Variants in UGT1A1 observed in about 807,000 individuals in gnomAD.
UGT1A1 encodes the protein UDP glucuronosyltransferase family 1 member A1, also known as UDP-glucuronosyltransferase 1A1.
UGT1A1 carries 33 observed loss-of-function variants against 40.6 expected under a neutral mutation model. The observed-to-expected ratio is 0.81, with a 90% CI of 0.62 to 1.09. UGT1A1 has a LOEUF of 1.09. UGT1A1 is among the 50% of genes least tolerant of loss of function. UGT1A1 has a pLI of 0.00. For missense variants in UGT1A1, 694 were observed against 671.2 expected (o/e 1.03, Z -0.38); for synonymous variants, 249 against 265.0 (o/e 0.94, Z 0.59).
At chr2:233,770,089 T>C (rs2126050834) in intron 4 of UGT1A1, 1 of 153,022 alleles carries the variant, frequency 6.5e-6, no homozygotes, top group South Asian at 2.1e-4. Context: ...TTCAGTGGTA[T>C]AGATAACTAC....
intron 1 of UGT1A1, among the ~76,000 whole-genome samples, chr2:233,763,416 A>T (rs1484402572): frequency 6.6e-6 from 1 of 152,224 alleles, no homozygotes; most frequent in Non-Finnish European, 1.5e-5. Flanking sequence ...TTTTTAATCC[A>T]GTCAGGCAGT....
rs745957787 is a variant in UGT1A1, at chr2:233,760,305, G to C, written c.18G>C (p.Gln6His). 19 of 1,613,584 alleles carry C rather than the reference G, an allele frequency of 1.2e-5. No individual in the cohort carries two copies. The highest frequency in any genetic ancestry group is 1.6e-5 in the Non-Finnish European group (19 of 1,179,982). MAVES[Q>H]GGRPLVLGLL... is the part of the protein sequence containing the mutation. ...AAGGCGCCATGGCTGTGGAGTCCCA[G>C]GGCGGACGCCCACTTGTCCTGGGCC... Residue 6 changes from glutamine (Q) to histidine (H), a missense_variant, in exon 1 of 5, where the codon CAG becomes CAC. Physicochemically the swap from Gln to His is conservative, Grantham distance 24 (BLOSUM62 0). Transcript: ENST00000305208.
Position 233,769,884 on chromosome 2 carries a change from C to T in UGT1A1, c.1304+1445C>T, listed in dbSNP as rs1466829536. On this transcript the variant is annotated intron_variant, in intron 4 of 4. Transcript: ENST00000305208. The surrounding 1 kb of genome is among the most constrained non-coding windows in gnomAD (Gnocchi z 4.4). The stretch of plus-strand genomic sequence containing the variant: ...AAAAAAAAAAAAAAAATGAAAAGTC[C>T]ACATAACCTGAGCATCATGTGCCCA... 5.0e-6 allele frequency: 2 copies of T among 403,872 alleles called. No individual in the cohort carries two copies. Among genetic ancestry groups the T allele is most frequent in the Non-Finnish European group, 8.7e-6 (2 of 230,852 alleles). 25.0% of individuals were successfully genotyped at this position (403,872 alleles called of 1,614,324 possible).
chr2:233,771,791 C>T (rs868802241), intron 4 of UGT1A1, among the ~76,000 whole-genome samples: 2 of 146,520 alleles, frequency 1.4e-5, no homozygotes, highest in Middle Eastern at 6.9e-3. Flanking sequence ...TCTCTCCCTC[C>T]CTCCCTCCCT....
In UGT1A1 at chr2:233,760,429, C is replaced by G. The variant is rs747942373; in HGVS notation, c.142C>G (p.Gln48Glu). 87 of 1,614,090 alleles carry G rather than the reference C, an allele frequency of 5.4e-5. No homozygotes were observed. The highest frequency in any genetic ancestry group is 6.6e-5 in the Non-Finnish European group (78 of 1,180,040). The change falls in exon 1 of 5, where the codon CAG (glutamine) becomes GAG (glutamate). Residue 48 changes from glutamine (Q) to glutamate (E), a missense_variant. By Grantham distance (29) the Gln-to-Glu change is conservative. Coordinates refer to ENST00000305208, the MANE Select transcript of UGT1A1 (RefSeq NM_000463.3). ...SHWLSMLGAI[Q>E]QLQQRGHEIV... is the part of the protein sequence containing the mutation. The stretch of plus-strand genomic sequence containing the variant: ...CTGGCTGAGCATGCTTGGGGCCATC[C>G]AGCAGCTGCAGCAGAGGGGACATGA...
In UGT1A1 at chr2:233,772,302, G is replaced by A. The variant is rs1458644938; in HGVS notation, c.1345G>A (p.Asp449Asn). Residue 449 changes from aspartate to asparagine, a missense_variant, in exon 5 of 5, where the codon GAC becomes AAC. Physicochemically the swap from Asp to Asn is conservative, Grantham distance 23. Coordinates refer to ENST00000305208, the MANE Select transcript of UGT1A1 (RefSeq NM_000463.3). ...CATGCGCCTCTCCAGCCTTCACAAG[G>A]ACCGCCCGGTGGAGCCGCTGGACCT... ...NIMRLSSLHK[D>N]RPVEPLDLAV... 1 of 1,614,232 alleles carries A rather than the reference G, an allele frequency of 6.2e-7. No individual in the cohort carries two copies.
At position 233,769,393 on chromosome 2, in the gene UGT1A1, G is replaced by A. The variant is rs767407915; in HGVS notation, c.1304+954G>A. ...GATTTCATCCGACAATAGATACTGT[G>A]TGCATATGTGCGTGTGCGTTTGTGC... is the stretch of plus-strand genomic sequence containing the variant. On this transcript the variant is annotated intron_variant, in intron 4 of 4. Transcript: ENST00000305208. This position sits in a 1 kb window ranked among gnomAD's most constrained non-coding sequence, Gnocchi z 4.4. 2.7e-5 allele frequency: 30 copies of A among 1,098,632 alleles called. No homozygotes were observed. Among genetic ancestry groups the A allele is most frequent in the Non-Finnish European group, 3.5e-5 (26 of 750,310 alleles). 68.1% of individuals were successfully genotyped at this position (1,098,632 alleles called of 1,614,324 possible).
intron 1 of UGT1A1, among the ~76,000 whole-genome samples, chr2:233,762,481 T>G (rs948381917): frequency 6.6e-6 from 1 of 152,238 alleles, no homozygotes. Flanking sequence ...ATCACTCCAG[T>G]TTTAAATGCT....
Position 233,772,257 on chromosome 2 carries a change from T to C in UGT1A1, c.1305-5T>C. ...CAGGCATAACGAAACTGTCTTTGTGTTTAGTTACAAGGAGAACATCATGCG... is the reference window on the plus strand; with the variant it reads ...CAGGCATAACGAAACTGTCTTTGTGCTTAGTTACAAGGAGAACATCATGCG... On this transcript the variant is annotated splice_polypyrimidine_tract_variant and splice_region_variant and intron_variant, in intron 4 of 4. Transcript: ENST00000305208. 2 of 1,614,220 alleles carry C rather than the reference T, an allele frequency of 1.2e-6. No individual in the cohort carries two copies. Among genetic ancestry groups the C allele is most frequent in the Non-Finnish European group, 1.7e-6 (2 of 1,180,042 alleles).
chr2:233,769,634 G>A lies in UGT1A1; in HGVS notation c.1304+1195G>A. 2 of 1,610,964 alleles carry A rather than the reference G, an allele frequency of 1.2e-6. No individual in the cohort carries two copies. The highest frequency in any genetic ancestry group is 1.1e-5 in the South Asian group (1 of 90,734). On this transcript the variant is annotated intron_variant, in intron 4 of 4. Transcript: ENST00000305208. The surrounding 1 kb of genome is among the most constrained non-coding windows in gnomAD (Gnocchi z 4.4). ...CCAGCTTGAGCAAGGGACAACAGGG[G>A]AGGACTGATGACTGACTTCCCACCT...
At chr2:233,768,984 TC>T (rs551747473) in intron 4 of UGT1A1, among the ~76,000 whole-genome samples, 141 of 152,252 alleles carry the variant, frequency 9.3e-4, no homozygotes, top group African/African-American at 3.3e-3. Context: ...GAATTTTATT[TC>T]CCCCATTAGA....
chr2:233,763,296 GAT>G (rs1373689978), intron 1 of UGT1A1, among the ~76,000 whole-genome samples: 1 of 152,054 alleles, frequency 6.6e-6, no homozygotes, highest in African/African-American at 2.4e-5. Flanking sequence ...CCACTTTTTG[GAT>G]ATTAATATTA....
Position 233,760,524 on chromosome 2 carries a change from C to A in UGT1A1, c.237C>A (p.Tyr79Ter). ...RDGAFYTLKTYPVPFQREDVK... is the reference protein window; with the variant it reads ...RDGAFYTLKT ...GAGCATTTTACACCTTGAAGACGTA[C>A]CCTGTGCCATTCCAAAGGGAGGATG... Residue 79 changes from tyrosine to a stop codon, truncating the protein, a stop_gained, in exon 1 of 5, where the codon TAC becomes TAA. Coordinates refer to ENST00000305208, the MANE Select transcript of UGT1A1 (RefSeq NM_000463.3). LOFTEE classifies it high-confidence loss of function. The A allele has an allele frequency of 6.2e-7, 1 of 1,614,240 alleles. No homozygotes were observed. The highest frequency in any genetic ancestry group is 8.5e-7 in the Non-Finnish European group (1 of 1,180,052).
chr2:233,769,864 A>C lies in UGT1A1; in HGVS notation c.1304+1425A>C, dbSNP rs2126048970. On this transcript the variant is annotated intron_variant, in intron 4 of 4. Transcript: ENST00000305208. The surrounding 1 kb of genome is among the most constrained non-coding windows in gnomAD (Gnocchi z 4.4). ...CAGAGTGAGACCCTGTCTCAAAAAA[A>C]AAAAAAAAAATGAAAAGTCCACATA... 6.3e-6 allele frequency: 3 copies of C among 472,760 alleles called. No homozygotes were observed. The highest frequency in any genetic ancestry group is 3.9e-5 in the South Asian group (1 of 25,612). The allele number at this position is 472,760 out of a possible 1,614,324, so 29.3% of individuals were successfully genotyped here. A position where few individuals can be genotyped will look rare whatever the true frequency, so the allele number is the denominator to read the frequency against.
chr2:233,772,579 G>A lies in UGT1A1; in HGVS notation c.*20G>A. ...CATTGAGAAGTGGGTGGGAAATAAG[G>A]TAAAATTTTGAACCATTCCCTAGTC... On this transcript the variant is annotated 3_prime_UTR_variant, in exon 5 of 5. Transcript: ENST00000305208. The A allele has an allele frequency of 6.2e-7, 1 of 1,608,678 alleles. No homozygotes were observed. Among genetic ancestry groups the A allele is most frequent in the Non-Finnish European group, 8.5e-7 (1 of 1,177,120 alleles).
chr2:233,770,939 G>A (rs923528747), intron 4 of UGT1A1: 1 of 152,144 alleles, frequency 6.6e-6, no homozygotes, highest in African/African-American at 2.4e-5. Context: ...TTGGCTGCCG[G>A]GGGAACCTCA....
rs12471326 is a variant in UGT1A1 at position 233,767,812 on chromosome 2, T to C, written c.997-37T>C. ...AGATTTGTTTTCTAATCATATTATGTTCTTTCTTTACGTTCTGCTCTTTTT... is the reference window on the plus strand; with the variant it reads ...AGATTTGTTTTCTAATCATATTATGCTCTTTCTTTACGTTCTGCTCTTTTT... On this transcript the variant is annotated intron_variant, in intron 2 of 4. Transcript: ENST00000305208. The C allele has an allele frequency of 0.03, 48,630 of 1,614,140 alleles. 974 individuals are homozygous for C. The highest frequency in any genetic ancestry group is 0.09 in the Admixed American group (5,377 of 60,016).
Position 233,772,946 on chromosome 2 carries a change from G to A in UGT1A1, c.*387G>A. On this transcript the variant is annotated 3_prime_UTR_variant, in exon 5 of 5. Transcript: ENST00000305208. ...GTTTTAATCTTATCTTTTGGCTTCT[G>A]CAGATGGTTGCAATTGATCCTTAAC... The A allele has an allele frequency of 3.1e-6, 1 of 325,346 alleles. No homozygotes were observed. Among genetic ancestry groups the A allele is most frequent in the Non-Finnish European group, 5.8e-6 (1 of 173,426 alleles). The allele number at this position is 325,346 out of a possible 1,614,324, so 20.2% of individuals were successfully genotyped here.
Position 233,767,871 on chromosome 2 carries a change from C to G in UGT1A1, c.1019C>G (p.Thr340Ser). The stretch of plus-strand genomic sequence containing the variant: ...CAGGTCCTGTGGCGGTACACTGGAA[C>G]CCGACCATCGAATCTTGCGAACAAC... ...PQTVLWRYTG[T>S]RPSNLANNTI... The change falls in exon 3 of 5, where the codon ACC becomes AGC. Residue 340 changes from threonine to serine, a missense_variant. Coordinates refer to ENST00000305208, the MANE Select transcript of UGT1A1 (RefSeq NM_000463.3). The G allele has an allele frequency of 6.2e-7, 1 of 1,614,154 alleles. No homozygotes were observed. Among genetic ancestry groups the G allele is most frequent in the Non-Finnish European group, 8.5e-7 (1 of 1,180,040 alleles).
Sources: gnomAD v4.1 joint callset for allele counts (sites outside exome capture counted in the v4.1 genomes callset) on GRCh38, gnomAD v4.1.1 for gene constraint, Gnocchi (gnomAD v3.1) non-coding constraint, MANE v1.5 for transcripts, NCBI Gene and HGNC (gene_info 2026-07-23, HGNC 2026-07-21) for gene names.